The following MYO1E variants were observed in gnomAD, a reference collection of about 807,000 sequenced individuals.
MYO1E encodes unconventional myosin-Ie.
A neutral mutation model predicts 151.1 loss-of-function variants in MYO1E; 68 were observed. The ratio of observed to expected loss-of-function variants is 0.45; its 90% CI spans 0.37 to 0.55. The LOEUF is 0.55. Ranked by LOEUF, MYO1E falls within the 20% of genes least tolerant of loss-of-function variation. The pLI, the probability that MYO1E is intolerant of heterozygous loss-of-function variation, is 0.00. For missense variants in MYO1E, 1,363 were observed against 1,389.3 expected, an observed-to-expected ratio of 0.98 and a Z score of 0.30; for synonymous variants, 601 against 501.7, an observed-to-expected ratio of 1.20 and a Z score of -2.64.
At chr15:59,353,369 A>AAAAAAAAAAAAAAAAAG (rs1178465167) in intron 1 of MYO1E, among the ~76,000 whole-genome samples, 7 of 96,854 alleles carry the variant, frequency 7.2e-5, no homozygotes, top group African/African-American at 2.1e-4. Flanking sequence ...AAAAAAAAAA[A>AAAAAAAAAAAAAAAAAG]AAAAGAAAAG....
At chr15:59,224,078 T>C (rs2079972481) in intron 8 of MYO1E, among the ~76,000 whole-genome samples, 1 of 152,172 alleles carries the variant, frequency 6.6e-6, no homozygotes, top group East Asian at 1.9e-4. Context: ...TGGGTGGCAA[T>C]GAAGGCCTTT....
chr15:59,232,882 G>C (rs968538475), intron 5 of MYO1E, among the ~76,000 whole-genome samples: 3 of 152,120 alleles, frequency 2.0e-5, no homozygotes, highest in Non-Finnish European at 4.4e-5. Flanking sequence ...TGAACATTCA[G>C]AAGAGAAACT....
intron 1 of MYO1E, among the ~76,000 whole-genome samples, chr15:59,357,784 G>A (rs1191892920): frequency 6.6e-6 from 1 of 152,096 alleles, no homozygotes; most frequent in Non-Finnish European, 1.5e-5. Flanking sequence ...GCTCAAGAAG[G>A]CAGAGTTAAG....
At chr15:59,225,015 A>G (rs1250686096) in intron 7 of MYO1E, among the ~76,000 whole-genome samples, 192 bp from the exon 8 acceptor site, 2 of 152,232 alleles carry the variant, frequency 1.3e-5, no homozygotes, top group African/African-American at 4.8e-5. Flanking sequence ...CTAACTCTGG[A>G]AAGACCTGCA....
chr15:59,194,302 A>G (rs2140329493), intron 17 of MYO1E, among the ~76,000 whole-genome samples: 2 of 152,334 alleles, frequency 1.3e-5, no homozygotes, highest in East Asian at 3.9e-4. Flanking sequence ...ACAGACTTAG[A>G]CTGCATGCCG....
At chr15:59,166,237 T>C (rs2079562151) in intron 22 of MYO1E, among the ~76,000 whole-genome samples, 1 of 152,198 alleles carries the variant, frequency 6.6e-6, no homozygotes, top group Non-Finnish European at 1.5e-5. Context: ...CTGCTCTCCT[T>C]AGCCCACGCT....
intron 3 of MYO1E, among the ~76,000 whole-genome samples, chr15:59,257,085 T>C (rs560495058): frequency 6.6e-6 from 1 of 152,360 alleles, no homozygotes; most frequent in South Asian, 2.1e-4. Context: ...TAAATACATT[T>C]TCCATGCTTA....
intron 6 of MYO1E, among the ~76,000 whole-genome samples, chr15:59,229,496 G>T (rs1237170679): frequency 6.6e-6 from 1 of 152,070 alleles, no homozygotes; most frequent in African/African-American, 2.4e-5. Context: ...ATAGCAGCCT[G>T]GGGGGGATGA....
intron 8 of MYO1E, 139 bp downstream of exon 8, chr15:59,224,550 T>C: frequency 1.7e-6 from 2 of 1,151,592 alleles, no homozygotes; most frequent in Non-Finnish European, 2.6e-6. Flanking sequence ...GAAACATGTA[T>C]GAGCATACAG....
chr15:59,227,343 G>T, intron 7 of MYO1E, 116 bp downstream of exon 7: 1 of 1,228,930 alleles, frequency 8.1e-7, no homozygotes, highest in Non-Finnish European at 1.2e-6. Flanking sequence ...CTTGTACATG[G>T]TATCATCATC....
At chr15:59,262,899 G>T (rs878941468) in intron 2 of MYO1E, among the ~76,000 whole-genome samples, 1 of 152,006 alleles carries the variant, frequency 6.6e-6, no homozygotes, top group Non-Finnish European at 1.5e-5. Context: ...TTTGAATTGG[G>T]TGCTTACTTA....
chr15:59,268,718 GTATTT>G (rs1214186415), intron 2 of MYO1E, among the ~76,000 whole-genome samples: 3 of 12,044 alleles, frequency 2.5e-4, no homozygotes, highest in African/African-American at 4.1e-4. Context: ...GGTGACTTTG[GTATTT>G]TTTTTTTTTT....
chr15:59,341,016 C>CAAAAAAAAAAAAAAAAA (rs35367694), intron 1 of MYO1E, among the ~76,000 whole-genome samples: 55 of 86,188 alleles, frequency 6.4e-4, no homozygotes, highest in East Asian at 9.5e-4. Flanking sequence ...GACTCCATCT[C>CAAAAAAAAAAAAAAAAA]AAAAAAAAAA....
chr15:59,171,570 G>C (rs1229999306), intron 22 of MYO1E, among the ~76,000 whole-genome samples: 1 of 152,146 alleles, frequency 6.6e-6, no homozygotes, highest in East Asian at 1.9e-4. Flanking sequence ...TGAATCCTTG[G>C]CTCTACTGCA....
chr15:59,223,003 C>G (rs1002781282), intron 9 of MYO1E, 56 bp downstream of exon 9: 1 of 1,610,154 alleles, frequency 6.2e-7, no homozygotes, highest in Non-Finnish European at 8.5e-7. Context: ...TGCTAGGTTA[C>G]TTCTAATCAG....
chr15:59,273,815 TG>T (rs1295987548), intron 1 of MYO1E, among the ~76,000 whole-genome samples: 3 of 152,270 alleles, frequency 2.0e-5, no homozygotes, highest in South Asian at 2.1e-4. Flanking sequence ...GTGTCGCCAG[TG>T]GGTAAGTGCA....
chr15:59,161,305 G>A, intron 23 of MYO1E, 75 bp from the exon 24 acceptor site: 1 of 1,505,196 alleles, frequency 6.6e-7, no homozygotes, highest in South Asian at 1.2e-5. Flanking sequence ...CCGCCACGGA[G>A]TTCTGCTGCT....
intron 17 of MYO1E, among the ~76,000 whole-genome samples, chr15:59,192,311 AAAG>A (rs1464775410): frequency 1.3e-5 from 2 of 152,076 alleles, no homozygotes; most frequent in Non-Finnish European, 2.9e-5. Flanking sequence ...AAAAAAAAAA[AAAG>A]AAAAGAGAAA....
At chr15:59,193,726 G>A (rs1042326886) in intron 17 of MYO1E, among the ~76,000 whole-genome samples, 1 of 152,138 alleles carries the variant, frequency 6.6e-6, no homozygotes, top group African/African-American at 2.4e-5. Flanking sequence ...CCTAGAGAAG[G>A]ACTGTACAGC....
Sources: allele counts gnomAD v4.1 joint callset (sites outside exome capture counted in the v4.1 genomes callset), GRCh38; gene constraint gnomAD v4.1.1; transcripts MANE v1.5; gene names NCBI Gene and HGNC (gene_info 2026-07-23, HGNC 2026-07-21).